SEMA6D: variants seen among roughly 807,000 people sequenced by gnomAD.
SEMA6D encodes the protein semaphorin-6D.
A neutral mutation model predicts 106.6 loss-of-function variants in SEMA6D; 35 were observed. The ratio of observed to expected loss-of-function variants is 0.33; its 90% CI spans 0.25 to 0.44. The LOEUF (loss-of-function observed/expected upper bound fraction) is 0.44. Ranked by LOEUF, SEMA6D falls within the 20% of genes least tolerant of loss-of-function variation. The pLI is 1.00. For missense variants in SEMA6D, 1,185 were observed against 1,345.9 expected (o/e 0.88, Z 1.87); for synonymous variants, 499 against 487.7 (o/e 1.02, Z -0.31).
At chr15:47,560,198 C>G (rs564337603) in intron 3 of SEMA6D, among the ~76,000 whole-genome samples, 2 of 148,886 alleles carry the variant, frequency 1.3e-5, no homozygotes, top group East Asian at 2.0e-4. Flanking sequence ...CAAGAAAGAC[C>G]AGTATTCAGA....
Position 47,228,163 on chromosome 15 carries a change from C to CACACACACACACATATAT in SEMA6D, c.-239+43746_-239+43747insCACACACACACATATATA, listed in dbSNP as rs374770930. Among the ~76,000 whole-genome samples, 153 of 136,824 alleles carry CACACACACACACATATAT rather than the reference C, an allele frequency of 1.1e-3. 1 individual carries two copies. The highest frequency in any genetic ancestry group is 1.8e-3 in the Non-Finnish European group (118 of 64,532). The allele number at this position is 136,824 out of a possible 152,430, so 89.8% of individuals were successfully genotyped here. On this transcript the variant is annotated intron_variant, in intron 1 of 19. Coordinates refer to the SEMA6D transcript ENST00000558014. ...ACACACACACACACACACACACACA[C>CACACACACACACATATAT]ATATATATATAACCTTTTGTTACTT...
chr15:47,573,163 G>A (rs1478211460), intron 3 of SEMA6D, among the ~76,000 whole-genome samples: 1 of 151,666 alleles, frequency 6.6e-6, no homozygotes. Context: ...AAGTGAATTT[G>A]TAAGTTAAAT....
At chr15:47,464,449 C>T (rs550395396) in intron 2 of SEMA6D, among the ~76,000 whole-genome samples, 1 of 152,192 alleles carries the variant, frequency 6.6e-6, no homozygotes, top group East Asian at 1.9e-4. Flanking sequence ...ATTGTCTCTG[C>T]CTCATGCCGA....
At chr15:47,478,512 A>G (rs760926591) in intron 3 of SEMA6D, among the ~76,000 whole-genome samples, 44 of 152,330 alleles carry the variant, frequency 2.9e-4, no homozygotes, top group Middle Eastern at 6.8e-3. Context: ...GCTAACCAGA[A>G]CGGTCAGGCT....
intron 2 of SEMA6D, 130 bp from the exon 3 acceptor site, chr15:47,760,174 T>G (rs2081983538): frequency 1.5e-6 from 1 of 674,814 alleles, no homozygotes; most frequent in East Asian, 2.7e-5. Context: ...TATTCATTTA[T>G]ATTCAAGACC....
At chr15:47,669,887 C>T (rs1394313307) in intron 4 of SEMA6D, among the ~76,000 whole-genome samples, 1 of 152,194 alleles carries the variant, frequency 6.6e-6, no homozygotes, top group African/African-American at 2.4e-5. Context: ...TTCTTCCAGA[C>T]AAAGGGAATT....
At chr15:47,196,002 A>G (rs576022727) in intron 1 of SEMA6D, among the ~76,000 whole-genome samples, 2 of 146,432 alleles carry the variant, frequency 1.4e-5, no homozygotes, top group South Asian at 4.5e-4. Context: ...ACAGCAAGTT[A>G]TCAATGAAGG....
At chr15:47,612,159 T>C (rs1264250130) in intron 4 of SEMA6D, among the ~76,000 whole-genome samples, 3 of 152,138 alleles carry the variant, frequency 2.0e-5, no homozygotes, top group Admixed American at 6.5e-5. Flanking sequence ...ATAAATTTCA[T>C]AGCAAAAGCA....
chr15:47,580,008 G>T (rs758840393), intron 3 of SEMA6D, among the ~76,000 whole-genome samples: 2 of 152,118 alleles, frequency 1.3e-5, no homozygotes, highest in Non-Finnish European at 1.5e-5. Flanking sequence ...GACCTTTTAC[G>T]TAGTAGTGCT....
intron 3 of SEMA6D, among the ~76,000 whole-genome samples, chr15:47,580,944 T>G (rs2142998300): frequency 6.6e-6 from 1 of 152,310 alleles, no homozygotes; most frequent in East Asian, 1.9e-4. Context: ...CATAGGAATA[T>G]ACAGAGTGGA....
intron 2 of SEMA6D, among the ~76,000 whole-genome samples, chr15:47,418,004 A>G (rs959578904): frequency 5.3e-5 from 8 of 152,090 alleles, no homozygotes; most frequent in African/African-American, 1.9e-4. Context: ...TATCTAAAAT[A>G]TAGCATTTAT....
At chr15:47,443,490 C>A (rs1012334029) in intron 2 of SEMA6D, among the ~76,000 whole-genome samples, 1 of 152,090 alleles carries the variant, frequency 6.6e-6, no homozygotes, top group African/African-American at 2.4e-5. Flanking sequence ...CATGCCCAGG[C>A]ATCTCCCAGA....
chr15:47,324,692 A>C (rs909911944), intron 1 of SEMA6D, among the ~76,000 whole-genome samples: 22 of 150,386 alleles, frequency 1.5e-4, no homozygotes, highest in Non-Finnish European at 3.3e-4. Flanking sequence ...AATATATGCT[A>C]TTTATACTAT....
At chr15:47,669,327 G>A (rs1474611181) in intron 4 of SEMA6D, among the ~76,000 whole-genome samples, 1 of 152,184 alleles carries the variant, frequency 6.6e-6, no homozygotes, top group African/African-American at 2.4e-5. Flanking sequence ...TTATAAGTCT[G>A]TAACTTCTTC....
intron 1 of SEMA6D, among the ~76,000 whole-genome samples, chr15:47,383,046 A>G (rs757367607): frequency 2.0e-5 from 3 of 152,210 alleles, no homozygotes; most frequent in Non-Finnish European, 2.9e-5. Context: ...GATTACAGGC[A>G]TGAGCCACCA....
At chr15:47,204,096 A>C (rs1566923898) in intron 1 of SEMA6D, among the ~76,000 whole-genome samples, 1 of 152,130 alleles carries the variant, frequency 6.6e-6, no homozygotes, top group Non-Finnish European at 1.5e-5. Flanking sequence ...AATTATTACA[A>C]CAATTCAGTT....
intron 1 of SEMA6D, among the ~76,000 whole-genome samples, chr15:47,217,034 G>A (rs1166438369): frequency 6.6e-6 from 1 of 152,056 alleles, no homozygotes; most frequent in African/African-American, 2.4e-5. Flanking sequence ...TAAAAACACA[G>A]CAATAAGGCA....
At chr15:47,416,210 A>G (rs906380906) in intron 2 of SEMA6D, among the ~76,000 whole-genome samples, 1 of 152,078 alleles carries the variant, frequency 6.6e-6, no homozygotes, top group African/African-American at 2.4e-5. Flanking sequence ...AAGACCTCCA[A>G]TCACATGGCA....
chr15:47,357,426 C>A (rs2038629650), intron 1 of SEMA6D, among the ~76,000 whole-genome samples: 1 of 151,992 alleles, frequency 6.6e-6, no homozygotes, highest in African/African-American at 2.4e-5. Context: ...AGAGAGCCAC[C>A]CAGTAAAAGC....
Sources: gnomAD v4.1 joint callset for allele counts (sites outside exome capture counted in the v4.1 genomes callset) on GRCh38, gnomAD v4.1.1 for gene constraint, MANE v1.5 for transcripts, NCBI Gene and HGNC (gene_info 2026-07-23, HGNC 2026-07-21) for gene names.